Variants in ARFIP1 observed in about 807,000 individuals in gnomAD.
ARFIP1 encodes ARF interacting protein 1, also known as arfaptin-1.
ARFIP1 carries 24 observed loss-of-function variants against 42.5 expected under a neutral mutation model. The observed-to-expected ratio is 0.57, with a 90% confidence interval of 0.41 to 0.80. The LOEUF is 0.80. Ranked by LOEUF, ARFIP1 falls within the 30% of genes least tolerant of loss-of-function variation. The probability of loss-of-function intolerance (pLI) is 0.00; values close to 1 mark genes in which losing one functional copy is unlikely to be tolerated. For missense variants in ARFIP1, 354 were observed against 434.0 expected, an observed-to-expected ratio of 0.82 and a Z score of 1.64; for synonymous variants, 141 against 153.7, an observed-to-expected ratio of 0.92 and a Z score of 0.61.
chr4:152,836,893 G>A (rs1253196467), intron 2 of ARFIP1, among the ~76,000 whole-genome samples: 2 of 152,080 alleles, frequency 1.3e-5, no homozygotes, highest in African/African-American at 4.8e-5. Context: ...CTGTCACCAA[G>A]CAGTATACAC....
chr4:152,800,094 C>T (rs941762561), intron 1 of ARFIP1, among the ~76,000 whole-genome samples: 1 of 152,080 alleles, frequency 6.6e-6, no homozygotes. Flanking sequence ...AGAACAGGTA[C>T]GTGAGTATAA....
At chr4:152,861,906 C>A (rs896479211) in intron 2 of ARFIP1, among the ~76,000 whole-genome samples, 1 of 152,086 alleles carries the variant, frequency 6.6e-6, no homozygotes, top group Non-Finnish European at 1.5e-5. Context: ...GTCACCTCTC[C>A]ATCCTAAACT....
At chr4:152,817,496 A>G (rs1371359619) in intron 1 of ARFIP1, among the ~76,000 whole-genome samples, 1 of 152,182 alleles carries the variant, frequency 6.6e-6, no homozygotes, top group Non-Finnish European at 1.5e-5. Context: ...TAGACCTAAG[A>G]CTATAAAAGT....
Position 152,910,290 on chromosome 4 carries a change from A to T in ARFIP1, c.*71A>T. 1 of 1,511,022 alleles carries T rather than the reference A, an allele frequency of 6.6e-7. No individual in the cohort carries two copies. The highest frequency in any genetic ancestry group is 9.0e-7 in the Non-Finnish European group (1 of 1,115,808). The allele number at this position is 1,511,022 out of a possible 1,614,324, so 93.6% of individuals were successfully genotyped here. A position where few individuals can be genotyped will look rare whatever the true frequency, so the allele number is the denominator to read the frequency against. ...AACCAACCTAACAAGAATTAAGCAG[A>T]GTTGGGGGAAGTGGGAGGGGTGACA... is the stretch of plus-strand genomic sequence containing the variant. On this transcript the variant is annotated 3_prime_UTR_variant, in exon 9 of 9. Coordinates refer to ENST00000353617, the MANE Select transcript of ARFIP1 (RefSeq NM_001025595.3).
chr4:152,847,066 C>T (rs1251835161), intron 2 of ARFIP1, among the ~76,000 whole-genome samples: 4 of 147,282 alleles, frequency 2.7e-5, no homozygotes, highest in African/African-American at 1.0e-4. Flanking sequence ...TTTGTCCTAG[C>T]AATCCCTTTG....
intron 2 of ARFIP1, among the ~76,000 whole-genome samples, chr4:152,856,491 A>G (rs192601190): frequency 2.5e-4 from 38 of 152,350 alleles, no homozygotes; most frequent in African/African-American, 8.9e-4. Flanking sequence ...TATAACAACT[A>G]TTTACATGAC....
At chr4:152,874,663 CTGTT>C (rs201739237) in intron 5 of ARFIP1, among the ~76,000 whole-genome samples, 20 of 152,112 alleles carry the variant, frequency 1.3e-4, no homozygotes, top group Non-Finnish European at 2.1e-4. Context: ...TATCCATTTA[CTGTT>C]TGTTTGTTTG....
chr4:152,887,841 T>A (rs1178119916), intron 7 of ARFIP1, among the ~76,000 whole-genome samples: 1 of 152,064 alleles, frequency 6.6e-6, no homozygotes, highest in African/African-American at 2.4e-5. Context: ...CTTGATCTTG[T>A]TTTGACATTT....
In ARFIP1 at chr4:152,868,955, G is replaced by A. The variant is rs192274261; in HGVS notation, c.203-1798G>A. On this transcript the variant is annotated intron_variant, in intron 3 of 8. Transcript: ENST00000353617. ...TTCTCTGGGCTTCATTAATCTTACC[G>A]TTTAATGTGACAGTTTAGTTGATTT... Among the ~76,000 whole-genome samples the A allele has an allele frequency of 3.7e-4, 56 of 152,234 alleles. 1 individual carries two copies. Among genetic ancestry groups the A allele is most frequent in the Non-Finnish European group, 5.6e-4 (38 of 67,992 alleles).
At chr4:152,907,623 T>C (rs75962832) in intron 8 of ARFIP1, among the ~76,000 whole-genome samples, 2,494 of 152,288 alleles carry the variant, frequency 0.016, 66 homozygotes, top group African/African-American at 0.056. Flanking sequence ...GTTTGAACTC[T>C]ATGTAAGTGG....
intron 2 of ARFIP1, among the ~76,000 whole-genome samples, chr4:152,863,084 C>A (rs1734019168): frequency 6.6e-6 from 1 of 152,114 alleles, no homozygotes; most frequent in Non-Finnish European, 1.5e-5. Flanking sequence ...GTTAGGTTAA[C>A]TATTATCATT....
At chr4:152,789,598 A>G (rs187227837) in intron 1 of ARFIP1, among the ~76,000 whole-genome samples, 1 of 152,336 alleles carries the variant, frequency 6.6e-6, no homozygotes, top group East Asian at 1.9e-4. Context: ...TGAAGTGTCT[A>G]CATAAATTTT....
intron 8 of ARFIP1, 59 bp downstream of exon 8, chr4:152,888,366 T>C: frequency 1.6e-6 from 2 of 1,234,428 alleles, no homozygotes. Context: ...TAAAGAGAGA[T>C]AGTCAGTTTT....
chr4:152,806,740 G>T (rs1416844527), intron 1 of ARFIP1, among the ~76,000 whole-genome samples: 1 of 150,666 alleles, frequency 6.6e-6, no homozygotes, highest in Non-Finnish European at 1.5e-5. Context: ...AATTAGTTTT[G>T]TATGTTCTAG....
intron 3 of ARFIP1, among the ~76,000 whole-genome samples, chr4:152,869,678 C>T (rs1734712586): frequency 6.6e-6 from 1 of 152,174 alleles, no homozygotes; most frequent in Non-Finnish European, 1.5e-5. Flanking sequence ...ATCCATCTGC[C>T]TCTGCCTCCC....
chr4:152,830,419 AG>A (rs1324897352), intron 2 of ARFIP1, among the ~76,000 whole-genome samples: 1 of 152,192 alleles, frequency 6.6e-6, no homozygotes. Flanking sequence ...TAGAAATGAT[AG>A]TGATGGTTAT....
At chr4:152,821,996 A>G (rs1730406486) in intron 1 of ARFIP1, among the ~76,000 whole-genome samples, 2 of 152,360 alleles carry the variant, frequency 1.3e-5, no homozygotes, top group South Asian at 4.1e-4. Context: ...AGGTTGATAC[A>G]TATCAGAATA....
At chr4:152,796,563 G>T in intron 1 of ARFIP1, 1 of 792,956 alleles carries the variant, frequency 1.3e-6, no homozygotes, top group South Asian at 1.4e-5. Context: ...TTGTCTCTCT[G>T]TCCTGCTGAT....
chr4:152,894,234 A>G (rs1737118154), intron 8 of ARFIP1, among the ~76,000 whole-genome samples: 1 of 151,946 alleles, frequency 6.6e-6, no homozygotes, highest in Admixed American at 6.6e-5. Context: ...AAAGAAAAAA[A>G]TGCTCAAAGC....
Sources: allele counts gnomAD v4.1 joint callset (sites outside exome capture counted in the v4.1 genomes callset), GRCh38; gene constraint gnomAD v4.1.1; transcripts MANE v1.5; gene names NCBI Gene and HGNC (gene_info 2026-07-23, HGNC 2026-07-21).